Variants in SLC1A2 observed in about 807,000 individuals in gnomAD.
The protein encoded by SLC1A2 is excitatory amino acid transporter 2.
SLC1A2 carries 15 observed loss-of-function variants against 48.8 expected under a neutral mutation model. The observed-to-expected ratio is 0.31, with a 90% CI of 0.21 to 0.47. The LOEUF is 0.47. Ranked by LOEUF, SLC1A2 falls within the 20% of genes least tolerant of loss-of-function variation. The pLI is 0.99. For missense variants in SLC1A2, 502 were observed against 730.5 expected (o/e 0.69, Z 3.61); for synonymous variants, 279 against 272.6 (o/e 1.02, Z -0.23).
intron 1 of SLC1A2, among the ~76,000 whole-genome samples, chr11:35,319,486 C>T (rs1413251130): frequency 6.6e-6 from 1 of 152,182 alleles, no homozygotes; most frequent in African/African-American, 2.4e-5. Flanking sequence ...AATCTCCTTG[C>T]CTTCTGCTTC....
intron 10 of SLC1A2, 72 bp downstream of exon 10, chr11:35,265,453 GTT>G (rs35055326): frequency 1.3e-4 from 91 of 683,730 alleles, no homozygotes; most frequent in African/African-American, 2.4e-4. Flanking sequence ...GGGCTTTACG[GTT>G]TTTTTTTTTT....
chr11:35,281,844 A>T (rs1397885913), intron 8 of SLC1A2: 1 of 152,122 alleles, frequency 6.6e-6, no homozygotes, highest in Non-Finnish European at 1.5e-5. Flanking sequence ...GTCATATCAA[A>T]ATGTCATATC....
At chr11:35,363,032 T>G (rs1853732101) in intron 1 of SLC1A2, among the ~76,000 whole-genome samples, 1 of 152,208 alleles carries the variant, frequency 6.6e-6, no homozygotes, top group Non-Finnish European at 1.5e-5. Flanking sequence ...ACAGAGAGAC[T>G]GAGCAACTTG....
intron 1 of SLC1A2, among the ~76,000 whole-genome samples, chr11:35,413,021 A>G (rs1232183172): frequency 6.6e-6 from 1 of 152,158 alleles, no homozygotes; most frequent in African/African-American, 2.4e-5. Context: ...TTTTTTTTAC[A>G]TAGAAATGAG....
chr11:35,346,003 G>A (rs961190164), intron 1 of SLC1A2, among the ~76,000 whole-genome samples: 2 of 151,996 alleles, frequency 1.3e-5, no homozygotes, highest in Non-Finnish European at 2.9e-5. Flanking sequence ...ACTTGCTCAA[G>A]GTCTCACAAT....
At chr11:35,333,827 A>ATTTTTTTTTTTTTTTTTT (rs373988431) in intron 1 of SLC1A2, among the ~76,000 whole-genome samples, 7 of 126,196 alleles carry the variant, frequency 5.5e-5, no homozygotes, top group Non-Finnish European at 6.6e-5. Flanking sequence ...ATGCCAGCTA[A>ATTTTTTTTTTTTTTTTTT]TTTTTTTTTT....
intron 1 of SLC1A2, among the ~76,000 whole-genome samples, chr11:35,344,166 A>G (rs941698489): frequency 6.6e-6 from 1 of 152,176 alleles, no homozygotes. Flanking sequence ...GCATTGTTCT[A>G]TATGCTACAG....
chr11:35,366,913 A>G (rs1464987096), intron 1 of SLC1A2, among the ~76,000 whole-genome samples: 1 of 152,206 alleles, frequency 6.6e-6, no homozygotes, highest in Non-Finnish European at 1.5e-5. Flanking sequence ...AACAGACACA[A>G]AATCAAATTT....
intron 1 of SLC1A2, among the ~76,000 whole-genome samples, chr11:35,358,967 A>G (rs1262720657): frequency 8.5e-5 from 13 of 152,204 alleles, no homozygotes. Context: ...TGCCTTTAGT[A>G]CTATTAAAAA....
chr11:35,258,127 A>C lies in SLC1A2; in HGVS notation c.*2767T>G, dbSNP rs1458225922. 3 of 152,234 alleles carry C rather than the reference A, an allele frequency of 2.0e-5. No individual in the cohort carries two copies. The highest frequency in any genetic ancestry group is 7.2e-5 in the African/African-American group (3 of 41,466). 9.4% of individuals were successfully genotyped at this position (152,234 alleles called of 1,614,324 possible). A position where few individuals can be genotyped will look rare whatever the true frequency, so the allele number is the denominator to read the frequency against. ...AGGCTTAAATAAAAACAGAGGACAT[A>C]GACATATGTCAACATGTCAACTCTA... is the stretch of plus-strand genomic sequence containing the variant. On this transcript the variant is annotated 3_prime_UTR_variant, in exon 11 of 11. Coordinates refer to ENST00000278379, the MANE Select transcript of SLC1A2 (RefSeq NM_004171.4).
chr11:35,328,134 A>G (rs1852306908), intron 1 of SLC1A2, among the ~76,000 whole-genome samples: 1 of 152,166 alleles, frequency 6.6e-6, no homozygotes, highest in African/African-American at 2.4e-5. Flanking sequence ...ATGGCCCCAG[A>G]TGTACCATCA....
chr11:35,264,309 G>A (rs977152335), intron 10 of SLC1A2, among the ~76,000 whole-genome samples: 7 of 152,200 alleles, frequency 4.6e-5, no homozygotes, highest in African/African-American at 1.4e-4. Context: ...GCCACAGTAT[G>A]TATTTGTAAT....
At chr11:35,400,688 G>A (rs1855108690) in intron 1 of SLC1A2, among the ~76,000 whole-genome samples, 1 of 151,958 alleles carries the variant, frequency 6.6e-6, no homozygotes, top group African/African-American at 2.4e-5. Context: ...ATTTCTAGAG[G>A]GATAACTTTT....
At chr11:35,412,035 A>G (rs1346189140) in intron 1 of SLC1A2, among the ~76,000 whole-genome samples, 1 of 131,210 alleles carries the variant, frequency 7.6e-6, no homozygotes, top group Non-Finnish European at 1.6e-5. Context: ...GAAGACACTT[A>G]CTGGAGCAAA....
At chr11:35,419,780 A>T, upstream of SLC1A2, 1 of 300,366 alleles carries the variant, frequency 3.3e-6, no homozygotes, top group Non-Finnish European at 7.2e-6. The surrounding 1 kb of genome is among the most constrained non-coding windows in gnomAD (Gnocchi z 5.4). Context: ...GCCCCAGGTC[A>T]CCCCGTGCGG....
chr11:35,330,710 A>T (rs1369717044), intron 1 of SLC1A2, among the ~76,000 whole-genome samples: 1 of 152,218 alleles, frequency 6.6e-6, no homozygotes, highest in Non-Finnish European at 1.5e-5. Context: ...TGGCAGCATG[A>T]CAAAGACACA....
chr11:35,410,699 C>A (rs555934365), intron 1 of SLC1A2, among the ~76,000 whole-genome samples: 38 of 152,238 alleles, frequency 2.5e-4, no homozygotes, highest in African/African-American at 8.9e-4. Context: ...TCCAGCACAG[C>A]CCCATTCAAT....
At chr11:35,380,313 G>T (rs1391906276) in intron 1 of SLC1A2, 2 of 398,594 alleles carry the variant, frequency 5.0e-6, no homozygotes, top group Non-Finnish European at 4.4e-6. Context: ...CCATGGAAAA[G>T]GCCTTGGCTT....
At chr11:35,271,584 A>C (rs1360353357) in intron 9 of SLC1A2, among the ~76,000 whole-genome samples, 2 of 152,136 alleles carry the variant, frequency 1.3e-5, no homozygotes, top group Non-Finnish European at 2.9e-5. Context: ...AGGTGAGATG[A>C]GGGTAAGACG....
Sources: gnomAD v4.1 joint callset for allele counts (sites outside exome capture counted in the v4.1 genomes callset) on GRCh38, gnomAD v4.1.1 for gene constraint, Gnocchi (gnomAD v3.1) non-coding constraint, MANE v1.5 for transcripts, NCBI Gene and HGNC (gene_info 2026-07-23, HGNC 2026-07-21) for gene names.